Variants in MICU1 observed in about 807,000 individuals in gnomAD.
MICU1 encodes calcium uptake protein 1, mitochondrial.
In MICU1, 45 loss-of-function variants were observed where a neutral mutation model predicts 56.8. The ratio of observed to expected loss-of-function variants is 0.79; its 90% CI spans 0.62 to 1.02. The LOEUF is 1.02. MICU1 is among the 50% of genes least tolerant of loss of function. The pLI, the probability that MICU1 is intolerant of heterozygous loss-of-function variation, is 0.00. For missense variants in MICU1, 504 were observed against 587.1 expected (o/e 0.86, Z 1.46); for synonymous variants, 186 against 195.1 (o/e 0.95, Z 0.39).
chr10:72,444,561 T>C (rs1189882105), intron 8 of MICU1, among the ~76,000 whole-genome samples: 1 of 150,766 alleles, frequency 6.6e-6, no homozygotes, highest in Admixed American at 6.6e-5. Context: ...GAGATTCTCC[T>C]GTCTCAGCCT....
intron 1 of MICU1, among the ~76,000 whole-genome samples, chr10:72,587,619 GACA>G (rs1841099290): frequency 6.6e-6 from 1 of 151,388 alleles, no homozygotes; most frequent in South Asian, 2.1e-4. Flanking sequence ...AATATACAAC[GACA>G]ACAACAACAA....
chr10:72,606,833 G>A (rs1163186222), intron 1 of MICU1, among the ~76,000 whole-genome samples: 2 of 152,096 alleles, frequency 1.3e-5, no homozygotes, highest in African/African-American at 4.8e-5. Context: ...AGGGAAAGGA[G>A]GGAGACTGAA....
chr10:72,566,493 G>T, intron 2 of MICU1, 140 bp downstream of exon 2: 1 of 840,028 alleles, frequency 1.2e-6, no homozygotes, highest in East Asian at 2.7e-5. Flanking sequence ...TTATTTCATA[G>T]ACGAATATTA....
At chr10:72,581,995 T>A (rs1476455082) in intron 1 of MICU1, among the ~76,000 whole-genome samples, 2 of 152,300 alleles carry the variant, frequency 1.3e-5, no homozygotes, top group East Asian at 3.9e-4. Flanking sequence ...AATGGCGCGA[T>A]CTCAGCTCAC....
chr10:72,542,144 T>C (rs1839787955), intron 4 of MICU1, among the ~76,000 whole-genome samples: 1 of 152,222 alleles, frequency 6.6e-6, no homozygotes, highest in Non-Finnish European at 1.5e-5. Flanking sequence ...ATAACAGTGG[T>C]TATCTCTAAT....
chr10:72,435,916 C>T (rs1589217427), intron 8 of MICU1, among the ~76,000 whole-genome samples: 1 of 152,382 alleles, frequency 6.6e-6, no homozygotes, highest in East Asian at 1.9e-4. Flanking sequence ...CCCACCCCAG[C>T]TCAACAAGGC....
intron 1 of MICU1, among the ~76,000 whole-genome samples, chr10:72,604,580 T>C (rs942855385): frequency 1.4e-5 from 2 of 138,978 alleles, no homozygotes; most frequent in African/African-American, 5.6e-5. Flanking sequence ...GCCTTCTGCC[T>C]TTTTTTTTTT....
At chr10:72,441,517 C>T (rs1404890441) in intron 8 of MICU1, among the ~76,000 whole-genome samples, 2 of 141,502 alleles carry the variant, frequency 1.4e-5, no homozygotes, top group Non-Finnish European at 3.0e-5. Flanking sequence ...ATCAAACCTG[C>T]ATTGTGCACA....
chr10:72,457,320 C>T (rs1284475185), intron 8 of MICU1, among the ~76,000 whole-genome samples: 2 of 150,940 alleles, frequency 1.3e-5, no homozygotes, highest in Non-Finnish European at 2.9e-5. Flanking sequence ...TGGGCTTAAG[C>T]AATCCTCCTG....
intron 1 of MICU1, among the ~76,000 whole-genome samples, chr10:72,570,782 ATC>A (rs2132485065): frequency 6.6e-6 from 1 of 152,044 alleles, no homozygotes; most frequent in African/African-American, 2.4e-5. Flanking sequence ...CCCAGAAATC[ATC>A]TCATTTTATT....
chr10:72,617,403 C>T (rs1223132917), intron 1 of MICU1, among the ~76,000 whole-genome samples: 1 of 152,098 alleles, frequency 6.6e-6, no homozygotes, highest in Non-Finnish European at 1.5e-5. Context: ...ATAAACACTA[C>T]TCTGTGAGGG....
At chr10:72,603,008 C>CA (rs1554895992) in intron 1 of MICU1, among the ~76,000 whole-genome samples, 3 of 151,786 alleles carry the variant, frequency 2.0e-5, no homozygotes, top group African/African-American at 4.8e-5. Context: ...CCCAGCTACT[C>CA]GGAGGCTGAG....
chr10:72,428,077 C>T (rs1048390915), intron 8 of MICU1, among the ~76,000 whole-genome samples: 3 of 152,132 alleles, frequency 2.0e-5, no homozygotes, highest in African/African-American at 7.2e-5. Context: ...CCAGGTCAGA[C>T]TGCCAGGAGT....
At chr10:72,420,782 C>T (rs911289247) in intron 9 of MICU1, among the ~76,000 whole-genome samples, 24 of 151,604 alleles carry the variant, frequency 1.6e-4, no homozygotes, top group African/African-American at 5.8e-4. Context: ...CTCAGGTGAT[C>T]CTCCCACCTC....
intron 6 of MICU1, among the ~76,000 whole-genome samples, chr10:72,502,375 C>G (rs10823932): frequency 7.9e-5 from 12 of 151,930 alleles, no homozygotes; most frequent in African/African-American, 2.9e-4. Context: ...AGGCTGGTCT[C>G]GAACTCCTGA....
intron 8 of MICU1, among the ~76,000 whole-genome samples, chr10:72,442,026 T>C (rs1864952520): frequency 6.6e-6 from 1 of 152,188 alleles, no homozygotes; most frequent in Non-Finnish European, 1.5e-5. Context: ...TACAATCTAA[T>C]GATTAGAATA....
intron 4 of MICU1, among the ~76,000 whole-genome samples, chr10:72,540,712 G>A (rs919335853): frequency 6.6e-6 from 1 of 152,204 alleles, no homozygotes; most frequent in Non-Finnish European, 1.5e-5. Flanking sequence ...TGGTAGATTA[G>A]ATTACTGATC....
intron 5 of MICU1, chr10:72,531,509 G>C (rs573722840): frequency 6.6e-6 from 1 of 152,136 alleles, no homozygotes; most frequent in Non-Finnish European, 1.5e-5. Context: ...CATGAGGTCA[G>C]GATATCGAGA....
intron 1 of MICU1, among the ~76,000 whole-genome samples, chr10:72,599,646 C>T (rs1255807620): frequency 6.6e-6 from 1 of 152,162 alleles, no homozygotes; most frequent in Non-Finnish European, 1.5e-5. Flanking sequence ...ACAGTAAAGC[C>T]AGCATCACCC....
Sources: allele counts gnomAD v4.1 joint callset (sites outside exome capture counted in the v4.1 genomes callset), GRCh38; gene constraint gnomAD v4.1.1; transcripts MANE v1.5; gene names NCBI Gene and HGNC (gene_info 2026-07-23, HGNC 2026-07-21).